Variants in CNTN3 observed in about 807,000 individuals in gnomAD.
The protein encoded by CNTN3 is contactin-3.
In CNTN3, 60 loss-of-function variants were observed where a neutral mutation model predicts 119.1. The ratio of observed to expected loss-of-function variants is 0.50; its 90% CI spans 0.41 to 0.62. The LOEUF (loss-of-function observed/expected upper bound fraction) is 0.62. Among genes scored for constraint, CNTN3 ranks in the 20% least tolerant of loss-of-function variants. CNTN3 has a pLI of 0.00. For synonymous variants in CNTN3, 450 were observed against 438.7 expected (o/e 1.03, Z -0.32); for missense variants, 1,101 against 1,242.4 (o/e 0.89, Z 1.71).
At chr3:74,364,438 A>T in intron 10 of CNTN3, 29 bp downstream of exon 10, 1 of 1,592,454 alleles carries the variant, frequency 6.3e-7, no homozygotes, top group Non-Finnish European at 8.5e-7. Context: ...ACAAAAAATT[A>T]AGAGAAGAGC....
At chr3:74,441,872 G>A (rs1226316458) in intron 4 of CNTN3, among the ~76,000 whole-genome samples, 2 of 151,936 alleles carry the variant, frequency 1.3e-5, no homozygotes, top group African/African-American at 2.4e-5. Flanking sequence ...TGACAAATTA[G>A]GTTACCATTC....
intron 1 of CNTN3, among the ~76,000 whole-genome samples, chr3:74,582,491 A>T (rs1704528443): frequency 6.6e-6 from 1 of 152,196 alleles, no homozygotes; most frequent in African/African-American, 2.4e-5. Context: ...GAATATAGGT[A>T]AATAAATAAT....
chr3:74,308,639 C>A (rs1274472289), intron 13 of CNTN3, among the ~76,000 whole-genome samples: 5 of 151,124 alleles, frequency 3.3e-5, no homozygotes, highest in African/African-American at 7.3e-5. Flanking sequence ...CTGGCCAGTG[C>A]GATGTGTTGA....
In CNTN3 at chr3:74,315,781, C is replaced by A. The variant is rs79310397; in HGVS notation, c.1669-12974G>T. Among the ~76,000 whole-genome samples, 931 of 152,214 alleles carry A rather than the reference C, an allele frequency of 6.1e-3. 10 individuals carry two copies. The highest frequency in any genetic ancestry group is 0.021 in the African/African-American group (892 of 41,542). ...ATATGCAGAAGAATGAAGCTGGACC[C>A]TTCCCTATCACCATACACAAAAATT... On this transcript the variant is annotated intron_variant, in intron 13 of 22. Transcript: ENST00000263665.
intron 20 of CNTN3, among the ~76,000 whole-genome samples, chr3:74,273,019 T>C (rs1701812222): frequency 6.6e-6 from 1 of 152,122 alleles, no homozygotes; most frequent in Non-Finnish European, 1.5e-5. Flanking sequence ...TATATATTAA[T>C]AGAAAAGGTT....
chr3:74,334,001 C>A (rs1316246553), intron 13 of CNTN3, among the ~76,000 whole-genome samples: 1 of 152,174 alleles, frequency 6.6e-6, no homozygotes, highest in African/African-American at 2.4e-5. Context: ...ATTCCAGATT[C>A]ATAAACATGC....
At chr3:74,328,592 G>A (rs999878038) in intron 13 of CNTN3, among the ~76,000 whole-genome samples, 1 of 152,086 alleles carries the variant, frequency 6.6e-6, no homozygotes, top group Non-Finnish European at 1.5e-5. Context: ...ACTGGGGATG[G>A]CTTTGGACTA....
chr3:74,296,974 G>A (rs1254036033), intron 18 of CNTN3, among the ~76,000 whole-genome samples: 2 of 151,554 alleles, frequency 1.3e-5, no homozygotes, highest in African/African-American at 2.4e-5. Context: ...TTTCTAAAGC[G>A]GTCATGAGAC....
chr3:74,451,483 T>C (rs1456811668), intron 4 of CNTN3, among the ~76,000 whole-genome samples: 2 of 152,164 alleles, frequency 1.3e-5, no homozygotes, highest in Admixed American at 6.6e-5. Flanking sequence ...ACTCTGATGG[T>C]AGTTTCTTTT....
chr3:74,349,800 C>A (rs1703773409), intron 11 of CNTN3, among the ~76,000 whole-genome samples: 1 of 152,104 alleles, frequency 6.6e-6, no homozygotes, highest in South Asian at 2.1e-4. Flanking sequence ...ATTTTTGGGC[C>A]TGAGTGAGAA....
At chr3:74,407,608 C>A (rs1483197875) in intron 5 of CNTN3, among the ~76,000 whole-genome samples, 1 of 151,810 alleles carries the variant, frequency 6.6e-6, no homozygotes, top group East Asian at 1.9e-4. Flanking sequence ...CTAGGTCTAG[C>A]AAAAGACCTC....
intron 14 of CNTN3, 32 bp downstream of exon 14, chr3:74,302,658 G>T: frequency 1.5e-6 from 2 of 1,295,298 alleles, no homozygotes; most frequent in Non-Finnish European, 2.2e-6. Flanking sequence ...AAGATGTGAA[G>T]TGACAAACTC....
chr3:74,320,674 A>G (rs1368134799), intron 13 of CNTN3, among the ~76,000 whole-genome samples: 1 of 152,194 alleles, frequency 6.6e-6, no homozygotes, highest in East Asian at 1.9e-4. Context: ...AAGTAAACAA[A>G]AACAACAACA....
chr3:74,426,661 T>C (rs1439867450), intron 4 of CNTN3, among the ~76,000 whole-genome samples: 1 of 152,178 alleles, frequency 6.6e-6, no homozygotes, highest in East Asian at 1.9e-4. Context: ...ATGGACTTAT[T>C]TTAACCACAC....
chr3:74,431,552 A>G (rs1185227664), intron 4 of CNTN3, among the ~76,000 whole-genome samples: 1 of 152,236 alleles, frequency 6.6e-6, no homozygotes, highest in Non-Finnish European at 1.5e-5. Context: ...AACTATGGAC[A>G]AATAATATCT....
In CNTN3 at chr3:74,344,461, T is replaced by C. The variant is rs1449017424; in HGVS notation, c.1365-7803A>G. The stretch of plus-strand genomic sequence containing the variant: ...TTTTTTTTGAGACGGAGTCTCACTC[T>C]GTCCCCCAGGCTGGAGTACAGTGGC... On this transcript the variant is annotated intron_variant, in intron 11 of 22. Transcript: ENST00000263665. Among the ~76,000 whole-genome samples, 5 of 120,226 alleles carry C rather than the reference T, an allele frequency of 4.2e-5. No individual in the cohort carries two copies. In the South Asian group the frequency reaches 1.6e-3, roughly 38 times the overall value. 78.9% of individuals were successfully genotyped at this position (120,226 alleles called of 152,430 possible).
At chr3:74,530,172 C>T (rs1277627004) in intron 1 of CNTN3, among the ~76,000 whole-genome samples, 4 of 151,912 alleles carry the variant, frequency 2.6e-5, no homozygotes, top group Non-Finnish European at 5.9e-5. Flanking sequence ...GCACACTGAC[C>T]ATAAATATAA....
At chr3:74,371,097 C>T in intron 6 of CNTN3, 99 bp downstream of exon 6, 4 of 805,138 alleles carry the variant, frequency 5.0e-6, no homozygotes, top group Non-Finnish European at 6.1e-6. Context: ...CATGAAGTGA[C>T]AATTCTTCTA....
chr3:74,531,237 G>T (rs943188976), intron 1 of CNTN3, among the ~76,000 whole-genome samples: 2 of 151,798 alleles, frequency 1.3e-5, no homozygotes, highest in Admixed American at 1.3e-4. Context: ...GCTTGAAATT[G>T]TATCCCTTAC....
Sources: gnomAD v4.1 joint callset for allele counts (sites outside exome capture counted in the v4.1 genomes callset) on GRCh38, gnomAD v4.1.1 for gene constraint, MANE v1.5 for transcripts, NCBI Gene and HGNC (gene_info 2026-07-23, HGNC 2026-07-21) for gene names.